IL1RAPL1: variants seen among roughly 807,000 people sequenced by gnomAD.
IL1RAPL1 encodes the protein interleukin 1 receptor accessory protein like 1, also known as interleukin-1 receptor accessory protein-like 1.
In IL1RAPL1, 3 loss-of-function variants were observed where a neutral mutation model predicts 48.4. The ratio of observed to expected loss-of-function variants is 0.06; its 90% confidence interval spans 0.03 to 0.16. The LOEUF (loss-of-function observed/expected upper bound fraction) is 0.16, where lower values mean the gene tolerates loss of function less well. Ranked by LOEUF, IL1RAPL1 falls within the 10% of genes least tolerant of loss-of-function variation. IL1RAPL1 has a pLI of 1.00. For missense variants in IL1RAPL1, 349 were observed against 530.6 expected (o/e 0.66, Z 3.36); for synonymous variants, 185 against 187.7 (o/e 0.99, Z 0.12).
At chrX:28,844,246 C>T (rs180907205) in intron 2 of IL1RAPL1, among the ~76,000 whole-genome samples, 1,075 of 105,136 alleles carry the variant, frequency 0.01, 17 homozygotes, top group African/African-American at 0.036. Flanking sequence ...AACGTAAACC[C>T]CCACCAAATT....
chrX:29,127,977 A>T lies in IL1RAPL1; in HGVS notation c.83-154961A>T, dbSNP rs35928991. Among the ~76,000 whole-genome samples, 413 of 109,247 alleles carry T rather than the reference A, an allele frequency of 3.8e-3. 5 individuals are homozygous for T. The East Asian group carries it at 0.07, about 18-fold the overall frequency. 94.9% of individuals were successfully genotyped at this position (109,247 alleles called of 115,157 possible). On this transcript the variant is annotated intron_variant, in intron 2 of 10. Coordinates refer to ENST00000378993, the MANE Select transcript of IL1RAPL1 (RefSeq NM_014271.4). ...AGACTCGATCTAAAAAAAAAAAAAAAATATTAACATGGCCAAATTGGATCT... is the reference window on the plus strand; with the variant it reads ...AGACTCGATCTAAAAAAAAAAAAAATATATTAACATGGCCAAATTGGATCT...
intron 6 of IL1RAPL1, among the ~76,000 whole-genome samples, chrX:29,894,188 CT>C (rs769875800): frequency 7.5e-4 from 84 of 112,000 alleles, no homozygotes; most frequent in African/African-American, 2.6e-3. Context: ...CAAAATTTAT[CT>C]TTGTGTTTCC....
intron 3 of IL1RAPL1, among the ~76,000 whole-genome samples, chrX:29,288,164 G>T (rs1335843441): frequency 9.1e-6 from 1 of 109,784 alleles, no homozygotes; most frequent in Non-Finnish European, 1.9e-5. Flanking sequence ...TTTATTTTAA[G>T]TCCTGGGGCA....
At chrX:28,932,505 G>T (rs1445686018) in intron 2 of IL1RAPL1, among the ~76,000 whole-genome samples, 2 of 111,310 alleles carry the variant, frequency 1.8e-5, no homozygotes, top group Non-Finnish European at 3.8e-5. Context: ...TCAAATTCAA[G>T]TACTAGCGTT....
At chrX:29,808,856 A>C (rs1930313268) in intron 6 of IL1RAPL1, among the ~76,000 whole-genome samples, 1 of 110,994 alleles carries the variant, frequency 9.0e-6, no homozygotes, top group African/African-American at 3.3e-5. Flanking sequence ...TTCATGTTTT[A>C]TTAATATGGT....
At chrX:29,359,571 G>T (rs914217643) in intron 3 of IL1RAPL1, among the ~76,000 whole-genome samples, 2 of 111,726 alleles carry the variant, frequency 1.8e-5, no homozygotes, top group Admixed American at 9.5e-5. Flanking sequence ...TATTTACATG[G>T]TTTTTTGTGT....
chrX:29,593,317 A>G (rs1201499955), intron 5 of IL1RAPL1, among the ~76,000 whole-genome samples: 1 of 111,535 alleles, frequency 9.0e-6, no homozygotes, highest in Non-Finnish European at 1.9e-5. Flanking sequence ...TATGGTTCCT[A>G]CCAGGTTCGT....
At chrX:29,859,966 G>GA (rs1266434148) in intron 6 of IL1RAPL1, among the ~76,000 whole-genome samples, 1 of 112,125 alleles carries the variant, frequency 8.9e-6, no homozygotes, top group Non-Finnish European at 1.9e-5. Context: ...GGTGAGGACT[G>GA]AAAAACAATT....
intron 6 of IL1RAPL1, among the ~76,000 whole-genome samples, chrX:29,705,634 A>T (rs189839944): frequency 8.9e-6 from 1 of 112,341 alleles, no homozygotes; most frequent in Admixed American, 9.4e-5. Flanking sequence ...ACTTTCCCAA[A>T]GCCATGTAGC....
chrX:29,087,529 A>G (rs1465399055), intron 2 of IL1RAPL1, among the ~76,000 whole-genome samples: 2 of 111,928 alleles, frequency 1.8e-5, no homozygotes, highest in Non-Finnish European at 3.8e-5. Context: ...GTTTGTTGCT[A>G]GATAAGAATA....
At chrX:28,744,625 A>G (rs1161063818) in intron 1 of IL1RAPL1, among the ~76,000 whole-genome samples, 3 of 112,008 alleles carry the variant, frequency 2.7e-5, no homozygotes, top group Non-Finnish European at 5.6e-5. Flanking sequence ...TCATTTAGCA[A>G]TGATTCATAG....
chrX:29,762,735 A>T (rs1419412836), intron 6 of IL1RAPL1, among the ~76,000 whole-genome samples: 2 of 111,886 alleles, frequency 1.8e-5, no homozygotes, highest in African/African-American at 6.5e-5. Flanking sequence ...ACTGATGCGA[A>T]TTTTGCTTTG....
chrX:29,045,566 A>G (rs1194156648), intron 2 of IL1RAPL1, among the ~76,000 whole-genome samples: 2 of 111,475 alleles, frequency 1.8e-5, no homozygotes, highest in Admixed American at 9.5e-5. Context: ...CCTAGGCTCG[A>G]GGGATCCTCC....
chrX:29,662,356 G>T (rs764602569), intron 5 of IL1RAPL1, among the ~76,000 whole-genome samples: 1 of 111,482 alleles, frequency 9.0e-6, no homozygotes, highest in East Asian at 2.8e-4. Context: ...TTTCCTGACA[G>T]TTTTTTCTAA....
intron 2 of IL1RAPL1, among the ~76,000 whole-genome samples, chrX:29,005,327 G>A (rs1925951641): frequency 8.9e-6 from 1 of 111,912 alleles, no homozygotes; most frequent in Non-Finnish European, 1.9e-5. Flanking sequence ...AAGCACCAAA[G>A]GTACAATGGG....
chrX:29,375,043 A>G (rs1933602564), intron 3 of IL1RAPL1, among the ~76,000 whole-genome samples: 1 of 108,999 alleles, frequency 9.2e-6, no homozygotes, highest in Non-Finnish European at 1.9e-5. Context: ...AGCTCATATC[A>G]AATGGTAAAG....
chrX:29,947,434 G>A (rs1160202141), intron 9 of IL1RAPL1, among the ~76,000 whole-genome samples: 1 of 111,086 alleles, frequency 9.0e-6, no homozygotes, highest in Admixed American at 9.6e-5. Context: ...TCACTAACAC[G>A]AATCCTATTT....
chrX:29,451,221 T>C (rs1369887067), intron 5 of IL1RAPL1, among the ~76,000 whole-genome samples: 1 of 108,355 alleles, frequency 9.2e-6, no homozygotes, highest in African/African-American at 3.4e-5. Flanking sequence ...GGAGTCTTAC[T>C]CTGTTGCCCA....
intron 2 of IL1RAPL1, among the ~76,000 whole-genome samples, chrX:28,993,522 A>G (rs973853388): frequency 8.9e-6 from 1 of 112,088 alleles, no homozygotes; most frequent in African/African-American, 3.2e-5. Context: ...AGTTAACAGA[A>G]ATAGAAAAGT....
Sources: allele counts gnomAD v4.1 joint callset (sites outside exome capture counted in the v4.1 genomes callset), GRCh38; gene constraint gnomAD v4.1.1; transcripts MANE v1.5; gene names NCBI Gene and HGNC (gene_info 2026-07-23, HGNC 2026-07-21).